ADAMTS3: variants seen among roughly 807,000 people sequenced by gnomAD.
ADAMTS3 encodes the protein A disintegrin and metalloproteinase with thrombospondin motifs 3.
Under a neutral mutation model 129.0 loss-of-function variants are expected in ADAMTS3, and 73 were observed. The observed-to-expected ratio is 0.57, with a 90% confidence interval of 0.47 to 0.69. The LOEUF (loss-of-function observed/expected upper bound fraction) is 0.69, where lower values mean the gene tolerates loss of function less well. ADAMTS3 is among the 30% of genes least tolerant of loss of function. The probability of loss-of-function intolerance (pLI) is 0.00; values close to 1 mark genes in which losing one functional copy is unlikely to be tolerated. For missense variants in ADAMTS3, 1,457 were observed against 1,514.5 expected (o/e 0.96, Z 0.63); for synonymous variants, 477 against 510.8 (o/e 0.93, Z 0.89).
intron 3 of ADAMTS3, among the ~76,000 whole-genome samples, chr4:72,475,792 CTAAG>C (rs1296962281): frequency 6.6e-6 from 1 of 151,764 alleles, no homozygotes; most frequent in East Asian, 1.9e-4. Context: ...TGAAATCAGA[CTAAG>C]TATGTTCTCT....
At chr4:72,347,189 C>A (rs1416590522) in intron 4 of ADAMTS3, among the ~76,000 whole-genome samples, 1 of 151,948 alleles carries the variant, frequency 6.6e-6, no homozygotes. Flanking sequence ...TGAGTATGAG[C>A]CTGTGAATTC....
chr4:72,390,814 CAT>C (rs747621167), intron 4 of ADAMTS3, among the ~76,000 whole-genome samples: 2 of 150,578 alleles, frequency 1.3e-5, no homozygotes, highest in Non-Finnish European at 3.0e-5. Context: ...AAAAATAAAA[CAT>C]AAACCGTTCC....
chr4:72,398,528 T>C (rs1229183308), intron 4 of ADAMTS3, among the ~76,000 whole-genome samples: 3 of 152,154 alleles, frequency 2.0e-5, no homozygotes, highest in African/African-American at 2.4e-5. Flanking sequence ...TGAGCTGAGA[T>C]CGTGCCACTG....
intron 3 of ADAMTS3, among the ~76,000 whole-genome samples, chr4:72,532,178 A>G (rs1721062185): frequency 6.6e-6 from 1 of 152,186 alleles, no homozygotes; most frequent in South Asian, 2.1e-4. Flanking sequence ...TCAGTAACTG[A>G]GAGCATGACA....
chr4:72,545,780 C>T (rs768357420), intron 3 of ADAMTS3, among the ~76,000 whole-genome samples: 1 of 152,234 alleles, frequency 6.6e-6, no homozygotes. Context: ...CTTCAGACAT[C>T]GAGTTCTCTC....
intron 4 of ADAMTS3, among the ~76,000 whole-genome samples, chr4:72,356,084 G>A (rs910817204): frequency 2.6e-5 from 4 of 151,904 alleles, no homozygotes; most frequent in African/African-American, 9.7e-5. Context: ...CAAATGAACT[G>A]GAAATACAGC....
intron 3 of ADAMTS3, among the ~76,000 whole-genome samples, chr4:72,476,661 G>C (rs916831082): frequency 6.6e-6 from 1 of 152,056 alleles, no homozygotes. Context: ...GACAAAGGGA[G>C]GGAAGGAAGA....
chr4:72,350,581 A>C (rs1720407996), intron 4 of ADAMTS3, among the ~76,000 whole-genome samples: 1 of 152,038 alleles, frequency 6.6e-6, no homozygotes, highest in Non-Finnish European at 1.5e-5. Context: ...GGATGCAGTT[A>C]AATTACTTGA....
At chr4:72,525,704 G>A (rs1720788384) in intron 3 of ADAMTS3, among the ~76,000 whole-genome samples, 1 of 152,104 alleles carries the variant, frequency 6.6e-6, no homozygotes, top group Non-Finnish European at 1.5e-5. Context: ...CCTGAGCTAT[G>A]CTTCTTGTTC....
At chr4:72,507,986 T>A (rs756662692) in intron 3 of ADAMTS3, among the ~76,000 whole-genome samples, 4 of 152,210 alleles carry the variant, frequency 2.6e-5, no homozygotes, top group Non-Finnish European at 4.4e-5. Context: ...GTATGTCATT[T>A]TTACCTTAGA....
At chr4:72,520,794 C>T (rs1170656256) in intron 3 of ADAMTS3, among the ~76,000 whole-genome samples, 3 of 152,128 alleles carry the variant, frequency 2.0e-5, no homozygotes, top group Admixed American at 1.3e-4. Flanking sequence ...TTGTGCTTCC[C>T]GAGTGAGGCA....
intron 3 of ADAMTS3, among the ~76,000 whole-genome samples, chr4:72,415,809 C>A (rs1412842103): frequency 2.6e-5 from 4 of 152,018 alleles, no homozygotes; most frequent in Non-Finnish European, 5.9e-5. Flanking sequence ...ATCAAGTCCA[C>A]ATTACAGTCA....
chr4:72,477,295 A>C (rs1276638174), intron 3 of ADAMTS3, among the ~76,000 whole-genome samples: 1 of 152,168 alleles, frequency 6.6e-6, no homozygotes, highest in African/African-American at 2.4e-5. Context: ...TTGGAAGTAA[A>C]GCTCTCATCA....
intron 3 of ADAMTS3, among the ~76,000 whole-genome samples, chr4:72,446,878 T>C (rs1718266771): frequency 6.6e-6 from 1 of 151,656 alleles, no homozygotes; most frequent in Non-Finnish European, 1.5e-5. Flanking sequence ...AACTTGCCCA[T>C]AACCTCCTCC....
chr4:72,533,672 C>CATATGT (rs1721109741), intron 3 of ADAMTS3, among the ~76,000 whole-genome samples: 12 of 151,538 alleles, frequency 7.9e-5, no homozygotes, highest in East Asian at 1.9e-4. Context: ...TGTATATGCA[C>CATATGT]ATATATGCAC....
intron 4 of ADAMTS3, among the ~76,000 whole-genome samples, chr4:72,342,218 C>T (rs1720155346): frequency 6.6e-6 from 1 of 152,162 alleles, no homozygotes; most frequent in Admixed American, 6.5e-5. Flanking sequence ...CTTCCCACAA[C>T]TAAACTGCCT....
chr4:72,423,054 T>C (rs180901243), intron 3 of ADAMTS3, among the ~76,000 whole-genome samples: 3 of 152,288 alleles, frequency 2.0e-5, no homozygotes, highest in South Asian at 2.1e-4. Context: ...AAAAAACTTA[T>C]GCCATGGACA....
intron 2 of ADAMTS3, among the ~76,000 whole-genome samples, chr4:72,555,135 A>C (rs1291044861): frequency 6.6e-6 from 1 of 151,796 alleles, no homozygotes; most frequent in African/African-American, 2.4e-5. Flanking sequence ...TCAGACCTAA[A>C]ATTTGCTTAA....
chr4:72,455,278 T>A (rs1011028541), intron 3 of ADAMTS3, among the ~76,000 whole-genome samples: 1 of 151,618 alleles, frequency 6.6e-6, no homozygotes, highest in Non-Finnish European at 1.5e-5. Context: ...TATAACACCA[T>A]GAAATACAAT....
Sources: allele counts gnomAD v4.1 joint callset (sites outside exome capture counted in the v4.1 genomes callset), GRCh38; gene constraint gnomAD v4.1.1; transcripts MANE v1.5; gene names NCBI Gene and HGNC (gene_info 2026-07-23, HGNC 2026-07-21).